Variants in OVCH2 observed in about 807,000 individuals in gnomAD.
The protein encoded by OVCH2 is ovochymase-2.
OVCH2 carries 88 observed loss-of-function variants against 73.7 expected under a neutral mutation model. The ratio of observed to expected loss-of-function variants is 1.19; its 90% CI spans 1.01 to 1.43. The LOEUF (loss-of-function observed/expected upper bound fraction) is 1.43, where lower values mean the gene tolerates loss of function less well. Ranked by LOEUF, OVCH2 falls within the 40% of genes most tolerant of loss-of-function variation. The pLI, the probability that OVCH2 is intolerant of heterozygous loss-of-function variation, is 0.00. For synonymous variants in OVCH2, 265 were observed against 234.5 expected (o/e 1.13, Z -1.19); for missense variants, 706 against 674.5 (o/e 1.05, Z -0.52).
At chr11:7,678,841 C>G in the OVCH2 span, among the ~76,000 whole-genome samples, 1 of 152,160 alleles carries the variant, frequency 6.6e-6, no homozygotes, top group Non-Finnish European at 1.5e-5. Context: ...GGCTAATATT[C>G]TCATTACCTG....
Position 7,696,436 on chromosome 11 carries a change from T to G in OVCH2, c.1141+29A>C, listed in dbSNP as rs772015324. 8.7e-6 allele frequency: 14 copies of G among 1,613,442 alleles called. No individual in the cohort carries two copies. The South Asian group carries it at 1.5e-4, about 18-fold the overall frequency. ...TCATTAAGCCCACTTGGCACTGGTT[T>G]CCATTTGACACTGTGAAAATCCACT... On this transcript the variant is annotated intron_variant, in intron 10 of 15. Coordinates refer to ENST00000533663, the MANE Select transcript of OVCH2 (RefSeq NM_198185.7).
chr11:7,698,160 G>T (rs1239114281), intron 8 of OVCH2, among the ~76,000 whole-genome samples: 1 of 152,080 alleles, frequency 6.6e-6, no homozygotes, highest in African/African-American at 2.4e-5. Context: ...GTGCATCAGA[G>T]CTCCCCTGTG....
At chr11:7,701,591 A>T in intron 5 of OVCH2, 116 bp from the exon 6 acceptor site, 1 of 1,470,630 alleles carries the variant, frequency 6.8e-7, no homozygotes, top group Non-Finnish European at 9.2e-7. Context: ...GTACAATGTG[A>T]CATTCCCTAT....
intron 1 of OVCH2, 70 bp from the exon 2 acceptor site, chr11:7,704,744 C>T: frequency 9.5e-7 from 1 of 1,056,386 alleles, no homozygotes; most frequent in Non-Finnish European, 1.4e-6. Flanking sequence ...TTCTCCATTT[C>T]ACCCATGAAA....
chr11:7,691,918 T>C lies in OVCH2; in HGVS notation c.1491A>G (p.Glu497=). ...GACACAAACCTATTTCCTTCTTCCTTTCTACATCGCTGTGCACTGTCACAT... is the reference window on the plus strand; with the variant it reads ...GACACAAACCTATTTCCTTCTTCCTCTCTACATCGCTGTGCACTGTCACAT... ...SDYVTVHSDV[E]RKKEIARLCG... Residue 497 remains glutamate (E), a synonymous_variant, in exon 13 of 16, where the codon GAA becomes GAG. Transcript: ENST00000533663. 6.4e-7 allele frequency: 1 copy of C among 1,569,662 alleles called. No homozygotes were observed. The highest frequency in any genetic ancestry group is 8.7e-7 in the Non-Finnish European group (1 of 1,155,654).
chr11:7,679,994 C>T, the OVCH2 span, among the ~76,000 whole-genome samples: 8 of 152,172 alleles, frequency 5.3e-5, no homozygotes, highest in Non-Finnish European at 1.2e-4. Flanking sequence ...CTCTGTGAAT[C>T]TCTTCCATCT....
chr11:7,694,384 C>G (rs1368112978), intron 12 of OVCH2, among the ~76,000 whole-genome samples: 1 of 152,134 alleles, frequency 6.6e-6, no homozygotes, highest in Non-Finnish European at 1.5e-5. Context: ...CCACTGTCCA[C>G]TCCAGGACAC....
In OVCH2 at chr11:7,695,042, C is replaced by T. The variant is rs919257762; in HGVS notation, c.1413+16G>A. On this transcript the variant is annotated intron_variant, in intron 12 of 15. Coordinates refer to ENST00000533663, the MANE Select transcript of OVCH2 (RefSeq NM_198185.7). The stretch of plus-strand genomic sequence containing the variant: ...TGAATTTACCATAGCTACGTAAGGA[C>T]AGCCAAAGTCAATACCTTAATTAGG... 26 of 1,546,436 alleles carry T rather than the reference C, an allele frequency of 1.7e-5. No homozygotes were observed. Among genetic ancestry groups the T allele is most frequent in the Non-Finnish European group, 2.3e-5 (26 of 1,145,696 alleles).
downstream of OVCH2, among the ~76,000 whole-genome samples, chr11:7,687,630 C>A (rs952785568): frequency 5.9e-5 from 9 of 152,126 alleles, no homozygotes; most frequent in African/African-American, 2.2e-4. Context: ...ATCCCAGTGG[C>A]CAAATCCAAA....
chr11:7,680,278 G>A, the OVCH2 span, among the ~76,000 whole-genome samples: 2 of 152,220 alleles, frequency 1.3e-5, no homozygotes, highest in African/African-American at 2.4e-5. Context: ...AATTGAATTA[G>A]AGGACAGTCA....
At chr11:7,703,245 T>C (rs984059930) in intron 3 of OVCH2, among the ~76,000 whole-genome samples, 3 of 152,044 alleles carry the variant, frequency 2.0e-5, no homozygotes, top group Non-Finnish European at 4.4e-5. Context: ...TAAAGGGAAG[T>C]TGTTGGGTTG....
At chr11:7,688,823 G>C (rs990936252), downstream of OVCH2, among the ~76,000 whole-genome samples, 2 of 152,190 alleles carry the variant, frequency 1.3e-5, no homozygotes, top group Non-Finnish European at 2.9e-5. Context: ...GGAAAGCCCA[G>C]AACTTCTCAA....
chr11:7,691,151 A>G, intron 14 of OVCH2, 118 bp downstream of exon 14: 1 of 1,237,950 alleles, frequency 8.1e-7, no homozygotes, highest in South Asian at 1.4e-5. Flanking sequence ...ACTTGATAGG[A>G]TGTAATTACT....
intron 14 of OVCH2, 146 bp from the exon 15 acceptor site, chr11:7,690,159 G>A: frequency 1.7e-6 from 1 of 597,198 alleles, no homozygotes; most frequent in Non-Finnish European, 2.9e-6. Context: ...ATGAGGAGTG[G>A]GGCATTTTAA....
At chr11:7,682,997 G>C in the OVCH2 span, among the ~76,000 whole-genome samples, 1 of 152,114 alleles carries the variant, frequency 6.6e-6, no homozygotes, top group Non-Finnish European at 1.5e-5. Context: ...TAATGTAATG[G>C]TCAATTCTCA....
chr11:7,685,257 A>C (rs1856130418), downstream of OVCH2, among the ~76,000 whole-genome samples: 1 of 152,126 alleles, frequency 6.6e-6, no homozygotes, highest in Non-Finnish European at 1.5e-5. Context: ...GAGAAAAACC[A>C]CACCGCCTAT....
intron 3 of OVCH2, among the ~76,000 whole-genome samples, chr11:7,703,251 G>A (rs1015091311): frequency 2.6e-5 from 4 of 152,106 alleles, no homozygotes; most frequent in African/African-American, 9.7e-5. Context: ...GAAGTTGTTG[G>A]GTTGAGTCCC....
the OVCH2 span, among the ~76,000 whole-genome samples, chr11:7,681,853 C>CAAAAAAAAAAAA: frequency 2.2e-5 from 2 of 93,008 alleles, no homozygotes; most frequent in African/African-American, 3.5e-5. Context: ...GGGAAATGTC[C>CAAAAAAAAAAAA]AAAAAAAAAA....
the OVCH2 span, among the ~76,000 whole-genome samples, chr11:7,680,521 G>A: frequency 1.3e-5 from 2 of 152,162 alleles, no homozygotes; most frequent in African/African-American, 4.8e-5. Flanking sequence ...GTAGAAGAGA[G>A]TCAGAAGAGA....
Sources: allele counts gnomAD v4.1 joint callset (sites outside exome capture counted in the v4.1 genomes callset), GRCh38; gene constraint gnomAD v4.1.1; transcripts MANE v1.5; gene names NCBI Gene and HGNC (gene_info 2026-07-23, HGNC 2026-07-21).